CACNA2D3: variants seen among roughly 807,000 people sequenced by gnomAD.
CACNA2D3 encodes calcium voltage-gated channel auxiliary subunit alpha2delta 3.
Under a neutral mutation model 160.6 loss-of-function variants are expected in CACNA2D3, and 60 were observed. That is an observed-to-expected ratio of 0.37 (90% CI 0.30 to 0.46). The LOEUF (loss-of-function observed/expected upper bound fraction) is 0.46, where lower values mean the gene tolerates loss of function less well. CACNA2D3 is among the 20% of genes least tolerant of loss of function. The pLI is 1.00. For synonymous variants in CACNA2D3, 558 were observed against 492.9 expected (o/e 1.13, Z -1.75); for missense variants, 1,205 against 1,365.0 (o/e 0.88, Z 1.85).
chr3:54,123,188 ACTG>A (rs1298914718), intron 1 of CACNA2D3, among the ~76,000 whole-genome samples: 1 of 151,284 alleles, frequency 6.6e-6, no homozygotes, highest in Non-Finnish European at 1.5e-5. Flanking sequence ...ATTTCTTCTG[ACTG>A]CTATTTGCCA....
At chr3:54,470,384 G>C (rs1295960796) in intron 4 of CACNA2D3, among the ~76,000 whole-genome samples, 1 of 152,222 alleles carries the variant, frequency 6.6e-6, no homozygotes, top group Non-Finnish European at 1.5e-5. Context: ...CAAATGGTGA[G>C]AGATTTTGTC....
chr3:54,643,657 C>T (rs1048725202), intron 11 of CACNA2D3, among the ~76,000 whole-genome samples: 6 of 152,188 alleles, frequency 3.9e-5, no homozygotes, highest in Non-Finnish European at 5.9e-5. Flanking sequence ...TGGTAACTTC[C>T]AGAGACAGGT....
chr3:54,969,799 G>A lies in CACNA2D3; in HGVS notation c.2512-1G>A, dbSNP rs532603972. 1 of 1,611,850 alleles carries A rather than the reference G, an allele frequency of 6.2e-7. No individual in the cohort carries two copies. Among genetic ancestry groups the A allele is most frequent in the South Asian group, 1.1e-5 (1 of 90,678 alleles). On this transcript the variant is annotated splice_acceptor_variant, in intron 28 of 37. Transcript: ENST00000474759. LOFTEE classifies it high-confidence loss of function. Reference sequence around the variant, plus strand: ...TTTCCCTCCACTTTTTGCCTTCACAGTGTGCTTCCCTGGATGGCAAATGCT... The same window carrying A: ...TTTCCCTCCACTTTTTGCCTTCACAATGTGCTTCCCTGGATGGCAAATGCT...
intron 2 of CACNA2D3, among the ~76,000 whole-genome samples, chr3:54,263,657 G>T (rs1486565425): frequency 6.6e-6 from 1 of 152,176 alleles, no homozygotes; most frequent in East Asian, 1.9e-4. Flanking sequence ...AACTGGGCTG[G>T]TTTGTGGGTT....
At position 54,626,469 on chromosome 3, in the gene CACNA2D3, G is replaced by T. The variant is rs150029814; in HGVS notation, c.964-1318G>T. ...CGCACCTGCGTGACGTGATCATCCT[G>T]CCCGAGATGGTGGGCAGCATGGTGG... On this transcript the variant is annotated intron_variant, in intron 9 of 37. Transcript: ENST00000474759. 994 of 1,604,060 alleles carry T rather than the reference G, an allele frequency of 6.2e-4. 8 individuals are homozygous for T. In the East Asian group the frequency reaches 0.018, roughly 29 times the overall value.
chr3:54,996,252 G>A (rs1438672956), intron 31 of CACNA2D3, among the ~76,000 whole-genome samples: 3 of 152,226 alleles, frequency 2.0e-5, no homozygotes, highest in Admixed American at 1.3e-4. Context: ...AATGGGTTTT[G>A]CATTAACTCA....
intron 11 of CACNA2D3, among the ~76,000 whole-genome samples, chr3:54,721,858 C>T (rs1701176166): frequency 6.6e-6 from 1 of 151,492 alleles, no homozygotes; most frequent in Admixed American, 6.6e-5. Flanking sequence ...TCCTTCATTT[C>T]AACCTTGGTG....
chr3:54,538,316 A>G (rs1032272223), intron 5 of CACNA2D3, among the ~76,000 whole-genome samples: 2 of 152,174 alleles, frequency 1.3e-5, no homozygotes, highest in African/African-American at 4.8e-5. Context: ...GCCTGCTATG[A>G]ATGCCTTCCC....
intron 9 of CACNA2D3, among the ~76,000 whole-genome samples, chr3:54,589,180 A>G (rs183967105): frequency 9.8e-4 from 149 of 152,244 alleles, no homozygotes; most frequent in African/African-American, 3.5e-3. Context: ...AGACATATAG[A>G]TTAATGGAAT....
intron 5 of CACNA2D3, among the ~76,000 whole-genome samples, chr3:54,535,404 C>G (rs1346799246): frequency 6.6e-6 from 1 of 152,154 alleles, no homozygotes; most frequent in Non-Finnish European, 1.5e-5. Flanking sequence ...GTCACACTGC[C>G]TATTTTTTGT....
chr3:54,461,706 G>C (rs1700508554), intron 4 of CACNA2D3, among the ~76,000 whole-genome samples: 3 of 151,484 alleles, frequency 2.0e-5, no homozygotes, highest in Admixed American at 2.0e-4. Context: ...TATCAGTTTT[G>C]TTGATCCTTT....
At chr3:55,008,149 C>T (rs573305970) in intron 33 of CACNA2D3, among the ~76,000 whole-genome samples, 9 of 152,310 alleles carry the variant, frequency 5.9e-5, no homozygotes, top group African/African-American at 2.2e-4. Context: ...TTTACTGCAG[C>T]CTGGGTGGGC....
intron 13 of CACNA2D3, among the ~76,000 whole-genome samples, chr3:54,813,045 C>T (rs534759292): frequency 6.6e-5 from 10 of 152,268 alleles, no homozygotes; most frequent in African/African-American, 2.4e-4. Flanking sequence ...ACACATTCTC[C>T]ATGTTTGAAT....
chr3:54,328,032 T>C (rs959158082), intron 3 of CACNA2D3, among the ~76,000 whole-genome samples: 1 of 152,248 alleles, frequency 6.6e-6, no homozygotes, highest in Admixed American at 6.5e-5. Flanking sequence ...AGCAATAATA[T>C]GATAAACTCT....
rs564117363 is a variant in CACNA2D3 at position 54,210,436 on chromosome 3, G to T, written c.204+86842G>T. 1.1e-4 allele frequency among the ~76,000 whole-genome samples: 17 copies of T among 152,040 alleles called. No homozygotes were observed. In the East Asian group the frequency reaches 2.5e-3, roughly 22 times the overall value. On this transcript the variant is annotated intron_variant, in intron 2 of 37. Transcript: ENST00000474759. ...CTGTGCAAAGTTTTTGTGTGTGTGT[G>T]TGTGTTTGTGTGTGTGTGTGTGTGT...
intron 13 of CACNA2D3, among the ~76,000 whole-genome samples, chr3:54,791,716 A>G (rs2106648314): frequency 6.6e-6 from 1 of 152,324 alleles, no homozygotes; most frequent in African/African-American, 2.4e-5. Context: ...GACTTAATTA[A>G]GTTGTCTCAA....
chr3:54,271,643 A>T (rs7615792), intron 2 of CACNA2D3, among the ~76,000 whole-genome samples: 4 of 151,922 alleles, frequency 2.6e-5, no homozygotes, highest in Non-Finnish European at 5.9e-5. Context: ...TTAATTTCTC[A>T]TTTGAGCCCT....
At chr3:54,270,122 C>A (rs751399648) in intron 2 of CACNA2D3, among the ~76,000 whole-genome samples, 8 of 152,164 alleles carry the variant, frequency 5.3e-5, no homozygotes, top group Admixed American at 1.3e-4. Flanking sequence ...TTTTTAAATT[C>A]TTCTCGTGTT....
chr3:54,718,386 A>T (rs1414042726), intron 11 of CACNA2D3, among the ~76,000 whole-genome samples: 1 of 152,188 alleles, frequency 6.6e-6, no homozygotes, highest in Non-Finnish European at 1.5e-5. Flanking sequence ...ATTAAACTTT[A>T]TTATTAAAAT....
Sources: allele counts gnomAD v4.1 joint callset (sites outside exome capture counted in the v4.1 genomes callset), GRCh38; gene constraint gnomAD v4.1.1; transcripts MANE v1.5; gene names NCBI Gene and HGNC (gene_info 2026-07-23, HGNC 2026-07-21).